Variants in DIP2A observed in about 807,000 individuals in gnomAD.
DIP2A encodes disco-interacting protein 2 homolog A.
Under a neutral mutation model 177.4 loss-of-function variants are expected in DIP2A, and 85 were observed. The ratio of observed to expected loss-of-function variants is 0.48; its 90% CI spans 0.40 to 0.57. The LOEUF is 0.57. DIP2A is among the 20% of genes least tolerant of loss of function. The pLI is 0.00. For missense variants in DIP2A, 1,791 were observed against 2,100.2 expected (o/e 0.85, Z 2.88); for synonymous variants, 886 against 881.8 (o/e 1.00, Z -0.08).
chr21:46,561,096 A>G lies in DIP2A; in HGVS notation c.4031+313A>G. 2 of 847,934 alleles carry G rather than the reference A, an allele frequency of 2.4e-6. 1 individual carries two copies. Among genetic ancestry groups the G allele is most frequent in the Middle Eastern group, 1.2e-3 (2 of 1,638 alleles). 52.5% of individuals were successfully genotyped at this position (847,934 alleles called of 1,614,324 possible). ...TTTATCTGTCACACAACCAGGAAGA[A>G]TAAGAGTGGCCCCTGTGACATTTGG... On this transcript the variant is annotated intron_variant, in intron 33 of 37. Transcript: ENST00000417564.
At chr21:46,561,831 T>C (rs1176710697) in intron 34 of DIP2A, 26 bp downstream of exon 34, 1 of 1,613,248 alleles carries the variant, frequency 6.2e-7, no homozygotes, top group South Asian at 1.1e-5. Flanking sequence ...ACGCGTGCAT[T>C]CTGAGTCGCG....
intron 2 of DIP2A, among the ~76,000 whole-genome samples, chr21:46,490,356 T>A (rs1019806689): frequency 2.0e-5 from 3 of 152,102 alleles, no homozygotes; most frequent in Non-Finnish European, 4.4e-5. Context: ...AGCTGTTTGA[T>A]CATCACCCTT....
chr21:46,520,827 A>G (rs2058792845), intron 8 of DIP2A, among the ~76,000 whole-genome samples: 1 of 152,228 alleles, frequency 6.6e-6, no homozygotes, highest in South Asian at 2.1e-4. Flanking sequence ...GCCACGCATC[A>G]TTTCATATCT....
In DIP2A at chr21:46,556,503, G is replaced by A. The variant is rs999615015; in HGVS notation, c.3498+412G>A. On this transcript the variant is annotated intron_variant, in intron 29 of 37. Coordinates refer to ENST00000417564, the MANE Select transcript of DIP2A (RefSeq NM_015151.4). This position sits in a 1 kb window ranked among gnomAD's most constrained non-coding sequence, Gnocchi z 4.5. ...TGGAGACCATCCTGGCCAACGTGGT[G>A]AAACCCCGTCTCTACTAAAAATACA... The A allele has an allele frequency of 7.8e-6, 5 of 640,444 alleles. No individual in the cohort carries two copies. The highest frequency in any genetic ancestry group is 1.9e-5 in the African/African-American group (1 of 52,312). 39.7% of individuals were successfully genotyped at this position (640,444 alleles called of 1,614,324 possible).
chr21:46,523,968 G>A (rs2148703299), intron 8 of DIP2A, among the ~76,000 whole-genome samples: 1 of 152,348 alleles, frequency 6.6e-6, no homozygotes, highest in Admixed American at 6.5e-5. Flanking sequence ...GGAGCTCAGG[G>A]AGGCCGGAGA....
In DIP2A at chr21:46,561,731, G is replaced by A; in HGVS notation, c.4032-17G>A. On this transcript the variant is annotated splice_polypyrimidine_tract_variant and intron_variant, in intron 33 of 37. Transcript: ENST00000417564. ...GTGTAGTAAATTTTGTACTGAAATTGTTCCCTTAATTTTTAGGGTTCGTTT... is the reference window on the plus strand; with the variant it reads ...GTGTAGTAAATTTTGTACTGAAATTATTCCCTTAATTTTTAGGGTTCGTTT... The A allele has an allele frequency of 6.2e-7, 1 of 1,613,886 alleles. No homozygotes were observed. The highest frequency in any genetic ancestry group is 8.5e-7 in the Non-Finnish European group (1 of 1,179,844).
At chr21:46,490,037 A>G (rs2056919520) in intron 2 of DIP2A, among the ~76,000 whole-genome samples, 1 of 152,206 alleles carries the variant, frequency 6.6e-6, no homozygotes, top group Non-Finnish European at 1.5e-5. Flanking sequence ...CGGCCTGAGC[A>G]GGTCCCAGCC....
intron 8 of DIP2A, among the ~76,000 whole-genome samples, chr21:46,518,177 A>G (rs1247622602): frequency 6.6e-6 from 1 of 152,220 alleles, no homozygotes; most frequent in Non-Finnish European, 1.5e-5. Context: ...CATGGGCTGT[A>G]TCCAGTTTTA....
Position 46,567,801 on chromosome 21 carries a change from A to T in DIP2A, c.*179A>T, listed in dbSNP as rs1273934264. 7.2e-6 allele frequency: 5 copies of T among 692,252 alleles called. No individual in the cohort carries two copies. The highest frequency in any genetic ancestry group is 1.1e-5 in the Non-Finnish European group (5 of 460,262). The allele number at this position is 692,252 out of a possible 1,614,324, so 42.9% of individuals were successfully genotyped here. On this transcript the variant is annotated 3_prime_UTR_variant, in exon 38 of 38. Transcript: ENST00000417564. The stretch of plus-strand genomic sequence containing the variant: ...CACTTCCTGAATTATTTAAAGAAAT[A>T]TTTTGAATCTGCCAAGTACATTTAC...
At chr21:46,473,724 C>A (rs1161913073) in intron 1 of DIP2A, among the ~76,000 whole-genome samples, 1 of 152,052 alleles carries the variant, frequency 6.6e-6, no homozygotes, top group African/African-American at 2.4e-5. Flanking sequence ...CCATGTTGGC[C>A]AGGCTGGTCT....
chr21:46,487,538 G>A (rs1450310705), intron 2 of DIP2A, among the ~76,000 whole-genome samples: 1 of 152,122 alleles, frequency 6.6e-6, no homozygotes, highest in African/African-American at 2.4e-5. Flanking sequence ...AAATATTAGA[G>A]AACAAAAGAT....
chr21:46,524,382 A>C (rs2058970238), intron 8 of DIP2A, among the ~76,000 whole-genome samples: 2 of 151,746 alleles, frequency 1.3e-5, no homozygotes, highest in African/African-American at 2.4e-5. Context: ...AGAAACTCTG[A>C]CTCCCCTAAG....
rs758852864 is a variant in DIP2A, at chr21:46,555,471, A to G, written c.3389-511A>G. The G allele has an allele frequency of 3.6e-5, 7 of 194,376 alleles. No homozygotes were observed. The South Asian group carries it at 5.3e-4, about 15-fold the overall frequency. 12.0% of individuals were successfully genotyped at this position (194,376 alleles called of 1,614,324 possible). On this transcript the variant is annotated intron_variant, in intron 28 of 37. Coordinates refer to ENST00000417564, the MANE Select transcript of DIP2A (RefSeq NM_015151.4). Reference sequence around the variant, plus strand: ...AGCCAAACAGCTGGCCAGGGCCCCAAAGCCTCACGGGCTTGCCTCAAGGGG... The same window carrying G: ...AGCCAAACAGCTGGCCAGGGCCCCAGAGCCTCACGGGCTTGCCTCAAGGGG...
chr21:46,468,346 T>C (rs1424027080), intron 1 of DIP2A, among the ~76,000 whole-genome samples: 5 of 150,194 alleles, frequency 3.3e-5, no homozygotes, highest in Admixed American at 2.7e-4. Context: ...GGAGAACCGC[T>C]TGAACCTGGG....
At position 46,565,769 on chromosome 21, in the gene DIP2A, G is replaced by T. The variant is rs376077244; in HGVS notation, c.4221G>T (p.Glu1407Asp). 5.0e-6 allele frequency: 8 copies of T among 1,613,894 alleles called. No individual in the cohort carries two copies. Among genetic ancestry groups the T allele is most frequent in the Non-Finnish European group, 6.8e-6 (8 of 1,179,904 alleles). ...GGTACTACACCGTTTACGGGGAGGA[G>T]GCGCTTCATGCCGACCACTTCAGTG... ...ATGYYTVYGE[E>D]ALHADHFSAR... Residue 1407 changes from glutamate (E) to aspartate (D), a missense_variant, in exon 36 of 38, where the codon GAG becomes GAT. Coordinates refer to ENST00000417564, the MANE Select transcript of DIP2A (RefSeq NM_015151.4).
At chr21:46,467,350 ATTAG>A (rs2054929967) in intron 1 of DIP2A, among the ~76,000 whole-genome samples, 1 of 151,398 alleles carries the variant, frequency 6.6e-6, no homozygotes, top group Non-Finnish European at 1.5e-5. Flanking sequence ...ATTTCACAGT[ATTAG>A]TTTTGTTTGT....
intron 5 of DIP2A, among the ~76,000 whole-genome samples, chr21:46,501,014 G>A (rs2057621106): frequency 6.6e-6 from 1 of 152,138 alleles, no homozygotes; most frequent in Non-Finnish European, 1.5e-5. Context: ...TTACAGGATT[G>A]CAATTTTCTA....
chr21:46,513,110 T>TC (rs916642305), intron 8 of DIP2A, among the ~76,000 whole-genome samples: 1 of 150,766 alleles, frequency 6.6e-6, no homozygotes, highest in Non-Finnish European at 1.5e-5. Context: ...CATGTTGTTT[T>TC]TTTTTCCTGT....
intron 28 of DIP2A, 125 bp from the exon 29 acceptor site, chr21:46,555,857 C>A (rs562558338): frequency 2.5e-5 from 19 of 768,330 alleles, no homozygotes; most frequent in African/African-American, 2.4e-4. Context: ...GCCCCACTCC[C>A]GTCTGAGCTC....
Sources: gnomAD v4.1 joint callset for allele counts (sites outside exome capture counted in the v4.1 genomes callset) on GRCh38, gnomAD v4.1.1 for gene constraint, Gnocchi (gnomAD v3.1) non-coding constraint, MANE v1.5 for transcripts, NCBI Gene and HGNC (gene_info 2026-07-23, HGNC 2026-07-21) for gene names.